The following DCP1B variants were observed in gnomAD, a reference collection of about 807,000 sequenced individuals.
The protein encoded by DCP1B is decapping mRNA 1B.
DCP1B carries 47 observed loss-of-function variants against 60.5 expected under a neutral mutation model. That is an observed-to-expected ratio of 0.78 (90% CI 0.61 to 0.99). The LOEUF (loss-of-function observed/expected upper bound fraction) is 0.99, where lower values mean the gene tolerates loss of function less well. Among genes scored for constraint, DCP1B ranks in the 50% least tolerant of loss-of-function variants. The pLI is 0.00. For missense variants in DCP1B, 725 were observed against 756.8 expected (o/e 0.96, Z 0.49); for synonymous variants, 267 against 280.3 (o/e 0.95, Z 0.47).
At chr12:1,973,917 T>C (rs2033405385) in intron 3 of DCP1B, among the ~76,000 whole-genome samples, 1 of 152,214 alleles carries the variant, frequency 6.6e-6, no homozygotes, top group African/African-American at 2.4e-5. Context: ...TTCTCTCTAC[T>C]CGTCCTTGAA....
chr12:1,969,147 G>A (rs1419351040), intron 3 of DCP1B, among the ~76,000 whole-genome samples: 2 of 152,108 alleles, frequency 1.3e-5, no homozygotes, highest in Non-Finnish European at 1.5e-5. Flanking sequence ...TTCTAAACAC[G>A]TAATTATATT....
At chr12:1,956,429 C>A (rs1391916725) in intron 5 of DCP1B, among the ~76,000 whole-genome samples, 2 of 152,170 alleles carry the variant, frequency 1.3e-5, no homozygotes, top group African/African-American at 2.4e-5. Flanking sequence ...AATATAAACA[C>A]AATCTTGTCC....
intron 6 of DCP1B, among the ~76,000 whole-genome samples, chr12:1,954,954 C>T (rs1455342159): frequency 2.0e-5 from 3 of 152,168 alleles, no homozygotes; most frequent in African/African-American, 7.2e-5. Context: ...ACCTCAAACT[C>T]CTAAGCTCAA....
chr12:1,973,165 G>C (rs890093540), intron 3 of DCP1B, among the ~76,000 whole-genome samples: 1 of 152,176 alleles, frequency 6.6e-6, no homozygotes, highest in Non-Finnish European at 1.5e-5. Context: ...TGGCCACTGA[G>C]AGTCTACATA....
intron 1 of DCP1B, among the ~76,000 whole-genome samples, chr12:2,002,695 C>T (rs982988124): frequency 6.6e-6 from 1 of 152,198 alleles, no homozygotes; most frequent in Non-Finnish European, 1.5e-5. Context: ...GTCAAGTCAA[C>T]TTACAGAACT....
At chr12:1,961,779 G>A (rs976836176) in intron 5 of DCP1B, among the ~76,000 whole-genome samples, 2 of 152,062 alleles carry the variant, frequency 1.3e-5, no homozygotes, top group African/African-American at 4.8e-5. Flanking sequence ...AATTCTGAAG[G>A]GTAAATAAAG....
chr12:1,999,889 T>C (rs1162054393), intron 1 of DCP1B, among the ~76,000 whole-genome samples: 2 of 152,216 alleles, frequency 1.3e-5, no homozygotes, highest in South Asian at 2.1e-4. Flanking sequence ...TTCTGAAATG[T>C]GGCTCGTTTG....
In DCP1B at chr12:1,985,581, A is replaced by G. The variant is rs76391313; in HGVS notation, c.319+7683T>C. 9.0e-3 allele frequency among the ~76,000 whole-genome samples: 1,372 copies of G among 152,308 alleles called. 25 individuals are homozygous for G. Among genetic ancestry groups the G allele is most frequent in the African/African-American group, 0.031 (1,303 of 41,556 alleles). ...ATCTTATAATTCTAACATCCAGATC[A>G]TCTCAGGGTGGCTACTGATTTTTTC... is the stretch of plus-strand genomic sequence containing the variant. On this transcript the variant is annotated intron_variant, in intron 3 of 8. Transcript: ENST00000280665.
chr12:1,986,895 T>C (rs1182980609), intron 3 of DCP1B, among the ~76,000 whole-genome samples: 1 of 152,212 alleles, frequency 6.6e-6, no homozygotes, highest in South Asian at 2.1e-4. Context: ...TATACTGTAG[T>C]GAACTTATTC....
chr12:1,957,359 CAT>C (rs1490346561), intron 5 of DCP1B, among the ~76,000 whole-genome samples: 1 of 152,084 alleles, frequency 6.6e-6, no homozygotes, highest in East Asian at 1.9e-4. Flanking sequence ...CATACATAAA[CAT>C]ATGTATTTAT....
At chr12:1,942,350 T>C (rs542371318), downstream of DCP1B, among the ~76,000 whole-genome samples, 1 of 152,344 alleles carries the variant, frequency 6.6e-6, no homozygotes, top group Non-Finnish European at 1.5e-5. Flanking sequence ...TGGGAGACTT[T>C]AACGCCCCTC....
At position 1,968,796 on chromosome 12, in the gene DCP1B, T is replaced by C. The variant is rs374550219; in HGVS notation, c.320-886A>G. On this transcript the variant is annotated intron_variant, in intron 3 of 8. Coordinates refer to ENST00000280665, the MANE Select transcript of DCP1B (RefSeq NM_152640.5). ...GCTTCAAAATGGTACAGAAAATGTA[T>C]AACTGCTGAAAGATTAGATATGACT... Among the ~76,000 whole-genome samples the C allele has an allele frequency of 4.6e-5, 7 of 152,340 alleles. No homozygotes were observed. The East Asian group carries it at 1.3e-3, about 29-fold the overall frequency.
intron 4 of DCP1B, among the ~76,000 whole-genome samples, chr12:1,965,918 GCCCA>G (rs2031279535): frequency 6.6e-6 from 1 of 152,144 alleles, no homozygotes; most frequent in African/African-American, 2.4e-5. Flanking sequence ...GCCAAGTCCA[GCCCA>G]CCACCTGTTT....
At chr12:2,004,192 C>G in intron 1 of DCP1B, 90 bp downstream of exon 1, 1 of 1,555,430 alleles carries the variant, frequency 6.4e-7, no homozygotes, top group Non-Finnish European at 8.7e-7. Flanking sequence ...AACGTCTCCT[C>G]CCCCTCACCG....
chr12:1,996,636 AAAAAAAAAAAAAAAAAAAAC>A lies in DCP1B; in HGVS notation c.191+1279_191+1298del, dbSNP rs1262453291. 4.0e-3 allele frequency among the ~76,000 whole-genome samples: 486 copies of A among 120,712 alleles called. 5 individuals are homozygous for A. Among genetic ancestry groups the A allele is most frequent in the Non-Finnish European group, 6.5e-3 (386 of 59,226 alleles). 79.2% of individuals were successfully genotyped at this position (120,712 alleles called of 152,430 possible). ...TGAGCTAAAAAAAAAAAAAAAAAAA[AAAAAAAAAAAAAAAAAAAAC>A]AACAAACTCTTCTAATGTTTTAAAG... On this transcript the variant is annotated intron_variant, in intron 2 of 8. Coordinates refer to ENST00000280665, the MANE Select transcript of DCP1B (RefSeq NM_152640.5).
chr12:1,941,613 T>A (rs995258334), downstream of DCP1B, among the ~76,000 whole-genome samples: 1 of 152,208 alleles, frequency 6.6e-6, no homozygotes, highest in Non-Finnish European at 1.5e-5. Context: ...CTTTTTGCAC[T>A]GTTTTTTCCC....
At chr12:1,967,106 C>G (rs1048737088) in intron 4 of DCP1B, among the ~76,000 whole-genome samples, 1 of 152,184 alleles carries the variant, frequency 6.6e-6, no homozygotes, top group Non-Finnish European at 1.5e-5. Flanking sequence ...GTGAGCAGCC[C>G]TGGGCTCAAA....
rs747702830 is a variant in DCP1B, at chr12:1,949,111, T to C, written c.1748A>G (p.Gln583Arg). The change falls in exon 8 of 9, where the codon CAG (glutamine) becomes CGG (arginine). Residue 583 changes from glutamine (Q) to arginine (R), a missense_variant. Gln to Arg is a conservative substitution (Grantham distance 43, BLOSUM62 1). Coordinates refer to ENST00000280665, the MANE Select transcript of DCP1B (RefSeq NM_152640.5). Reference protein sequence around the residue: ...TSSPLTKLQLQEALLYLIQND... With the variant: ...TSSPLTKLQLREALLYLIQND... The stretch of plus-strand genomic sequence containing the variant: ...CTGAATGAGGTACAGCAGTGCCTCC[T>C]GGAGCTGGAGCTTGGTGAGTGGGCT... The C allele has an allele frequency of 6.2e-7, 1 of 1,613,824 alleles. No homozygotes were observed. Among genetic ancestry groups the C allele is most frequent in the East Asian group, 2.2e-5 (1 of 44,852 alleles).
At chr12:1,979,435 C>T (rs574594407) in intron 3 of DCP1B, among the ~76,000 whole-genome samples, 4 of 152,156 alleles carry the variant, frequency 2.6e-5, no homozygotes, top group African/African-American at 7.2e-5. Context: ...CCTTGGCCTC[C>T]CCAGTAGCTG....
Sources: gnomAD v4.1 joint callset for allele counts (sites outside exome capture counted in the v4.1 genomes callset) on GRCh38, gnomAD v4.1.1 for gene constraint, MANE v1.5 for transcripts, NCBI Gene and HGNC (gene_info 2026-07-23, HGNC 2026-07-21) for gene names.